The following TTBK2 variants were observed in gnomAD, a reference collection of about 807,000 sequenced individuals.
TTBK2 encodes tau tubulin kinase 2.
In TTBK2, 28 loss-of-function variants were observed where a neutral mutation model predicts 110.8. The ratio of observed to expected loss-of-function variants is 0.25; its 90% CI spans 0.19 to 0.35. TTBK2 has a LOEUF of 0.35. Among genes scored for constraint, TTBK2 ranks in the 10% least tolerant of loss-of-function variants. The probability of loss-of-function intolerance (pLI) is 1.00; values close to 1 mark genes in which losing one functional copy is unlikely to be tolerated. For synonymous variants in TTBK2, 532 were observed against 527.3 expected (o/e 1.01, Z -0.12); for missense variants, 1,369 against 1,500.3 (o/e 0.91, Z 1.45).
chr15:42,872,480 G>A, intron 3 of TTBK2, 131 bp downstream of exon 3: 1 of 1,035,348 alleles, frequency 9.7e-7, no homozygotes, highest in Non-Finnish European at 1.4e-6. Context: ...AAAATGCTCA[G>A]CGTATTTATA....
At chr15:42,810,838 G>C (rs1179580035) in intron 8 of TTBK2, 99 bp from the exon 9 acceptor site, 1 of 1,352,454 alleles carries the variant, frequency 7.4e-7, no homozygotes, top group African/African-American at 1.4e-5. Context: ...ACTAGGGAAT[G>C]AGATAGTGGG....
chr15:42,845,810 G>A (rs2141030187), intron 3 of TTBK2, among the ~76,000 whole-genome samples: 1 of 152,202 alleles, frequency 6.6e-6, no homozygotes, highest in East Asian at 1.9e-4. Context: ...CAAAAACCTA[G>A]ATGGTCTAGC....
In TTBK2 at chr15:42,839,679, T is replaced by G. The variant is rs374492113; in HGVS notation, c.291+681A>C. Among the ~76,000 whole-genome samples the G allele has an allele frequency of 2.0e-5, 3 of 152,314 alleles. No homozygotes were observed. In the East Asian group the frequency reaches 5.8e-4, roughly 29 times the overall value. On this transcript the variant is annotated intron_variant, in intron 4 of 14. Coordinates refer to ENST00000267890, the MANE Select transcript of TTBK2 (RefSeq NM_173500.4). ...GCTGGTGTCTTACTGTGGTTTTGAT[T>G]TGCATTTCTCTAAAGATTAGTGATG...
At position 42,849,738 on chromosome 15, in the gene TTBK2, TTTC is replaced by T. The variant is rs1232394034; in HGVS notation, c.218-9308_218-9306del. Reference sequence around the variant, plus strand: ...TGTGTTCCATAAGTACCCCACGTGGTTTCCCATTTGGGATGTGGGCAGTGGTCT... The same window carrying T: ...TGTGTTCCATAAGTACCCCACGTGGTCCATTTGGGATGTGGGCAGTGGTCT... On this transcript the variant is annotated intron_variant, in intron 3 of 14. Transcript: ENST00000267890. 2.5e-3 allele frequency among the ~76,000 whole-genome samples: 385 copies of T among 152,304 alleles called. 6 individuals carry two copies. The East Asian group carries it at 0.033, about 13-fold the overall frequency.
intron 1 of TTBK2, among the ~76,000 whole-genome samples, chr15:42,916,967 A>G (rs1190013238): frequency 6.6e-6 from 1 of 152,202 alleles, no homozygotes; most frequent in Admixed American, 6.5e-5. Flanking sequence ...CTTGTTTTCA[A>G]TAAAGATGTT....
rs771041305 is a variant in TTBK2 at position 42,801,155 on chromosome 15, T to C, written c.823-6354A>G. The C allele has an allele frequency of 4.2e-5, 50 of 1,193,624 alleles. 1 individual carries two copies. Among genetic ancestry groups the C allele is most frequent in the Non-Finnish European group, 7.4e-6 (6 of 806,810 alleles). 73.9% of individuals were successfully genotyped at this position (1,193,624 alleles called of 1,614,324 possible). A position where few individuals can be genotyped will look rare whatever the true frequency, so the allele number is the denominator to read the frequency against. Reference sequence around the variant, plus strand: ...CCCCATAGGCCAAGCTCTGACCACCTGCATAGCTGCTGGTGGTCTTCATAT... The same window carrying C: ...CCCCATAGGCCAAGCTCTGACCACCCGCATAGCTGCTGGTGGTCTTCATAT... On this transcript the variant is annotated intron_variant, in intron 9 of 14. Transcript: ENST00000267890.
At chr15:42,764,977 A>G (rs1396184955) in intron 13 of TTBK2, among the ~76,000 whole-genome samples, 1 of 152,056 alleles carries the variant, frequency 6.6e-6, no homozygotes, top group Non-Finnish European at 1.5e-5. Context: ...TGCTGGTGAT[A>G]CCCAGGCAAA....
At chr15:42,829,854 A>G in intron 5 of TTBK2, 84 bp downstream of exon 5, 1 of 1,559,812 alleles carries the variant, frequency 6.4e-7, no homozygotes, top group South Asian at 1.1e-5. Context: ...AAATACACAA[A>G]GCTACATTTG....
intron 3 of TTBK2, among the ~76,000 whole-genome samples, chr15:42,847,109 G>C (rs1893501129): frequency 6.6e-6 from 1 of 152,186 alleles, no homozygotes; most frequent in Non-Finnish European, 1.5e-5. Context: ...GGAGCCCCAG[G>C]TTGCAGCCAG....
intron 9 of TTBK2, 47 bp from the exon 10 acceptor site, chr15:42,794,848 T>C: frequency 1.2e-6 from 2 of 1,605,786 alleles, no homozygotes; most frequent in Non-Finnish European, 1.7e-6. Context: ...GTAAACATAG[T>C]CACTTTATTC....
rs140899987 is a variant in TTBK2 at position 42,862,336 on chromosome 15, A to G, written c.217+10275T>C. Among the ~76,000 whole-genome samples, 721 of 152,332 alleles carry G rather than the reference A, an allele frequency of 4.7e-3. 3 individuals carry two copies. The highest frequency in any genetic ancestry group is 7.9e-3 in the Non-Finnish European group (539 of 68,026). On this transcript the variant is annotated intron_variant, in intron 3 of 14. Transcript: ENST00000267890. ...ATGAACACAGACACAAAAATCCTCA[A>G]CAAAATACTAGCAAACCAAATCCAG...
In TTBK2 at chr15:42,746,075, C is replaced by A; in HGVS notation, c.3455G>T (p.Ser1152Ile). 6.2e-7 allele frequency: 1 copy of A among 1,614,066 alleles called. No homozygotes were observed. The highest frequency in any genetic ancestry group is 2.2e-5 in the East Asian group (1 of 44,874). Residue 1152 changes from serine to isoleucine, a missense_variant, in exon 15 of 15, where the codon AGT (serine) becomes ATT (isoleucine). By Grantham distance (142) the Ser-to-Ile change is moderately radical. Transcript: ENST00000267890. Reference protein sequence around the residue: ...KSPVVPRRSPSASPRSSSLPR... With the variant: ...KSPVVPRRSPIASPRSSSLPR... ...CAAGGATGAGCTTCGAGGAGAGGCA[C>A]TGGGACTCCTGCGAGGGACAACTGG... is the stretch of plus-strand genomic sequence containing the variant.
chr15:42,763,269 C>G (rs1227701636), intron 13 of TTBK2, among the ~76,000 whole-genome samples: 1 of 113,746 alleles, frequency 8.8e-6, no homozygotes, highest in Non-Finnish European at 1.7e-5. Flanking sequence ...GGCTGGAGCA[C>G]AGAGTGCGAT....
At chr15:42,877,114 T>TA (rs1316163055) in intron 2 of TTBK2, among the ~76,000 whole-genome samples, 5 of 152,118 alleles carry the variant, frequency 3.3e-5, no homozygotes, top group African/African-American at 1.2e-4. Flanking sequence ...TAATTGATGA[T>TA]AAAAAACTTG....
intron 1 of TTBK2, among the ~76,000 whole-genome samples, chr15:42,895,911 A>G (rs1895649753): frequency 6.6e-6 from 1 of 152,136 alleles, no homozygotes; most frequent in Non-Finnish European, 1.5e-5. Context: ...CATACCCATT[A>G]GCAGTCACTC....
chr15:42,889,553 C>T (rs898887224), intron 1 of TTBK2, among the ~76,000 whole-genome samples: 6 of 152,190 alleles, frequency 3.9e-5, no homozygotes, highest in Non-Finnish European at 5.9e-5. Context: ...CCCAAAAACT[C>T]GCCAACCAAG....
intron 13 of TTBK2, among the ~76,000 whole-genome samples, chr15:42,757,348 A>G (rs1290697476): frequency 6.6e-6 from 1 of 152,014 alleles, no homozygotes; most frequent in Non-Finnish European, 1.5e-5. Flanking sequence ...TGGGCTCAAG[A>G]GATCTTCCTG....
chr15:42,784,573 C>T (rs575999274), intron 10 of TTBK2, among the ~76,000 whole-genome samples: 5 of 152,234 alleles, frequency 3.3e-5, no homozygotes, highest in African/African-American at 9.6e-5. Flanking sequence ...CCACGGCACC[C>T]GGCGTGTTAG....
At chr15:42,778,802 T>C (rs1320032059) in intron 11 of TTBK2, among the ~76,000 whole-genome samples, 2 of 152,020 alleles carry the variant, frequency 1.3e-5, no homozygotes, top group African/African-American at 4.8e-5. Flanking sequence ...TAGAAAGAGA[T>C]AATAGAAAGA....
Sources: gnomAD v4.1 joint callset for allele counts (sites outside exome capture counted in the v4.1 genomes callset) on GRCh38, gnomAD v4.1.1 for gene constraint, MANE v1.5 for transcripts, NCBI Gene and HGNC (gene_info 2026-07-23, HGNC 2026-07-21) for gene names.